Variants in ERG observed in about 807,000 individuals in gnomAD.
ERG encodes the protein transcriptional regulator ERG.
A neutral mutation model predicts 55.3 loss-of-function variants in ERG; 9 were observed. That is an observed-to-expected ratio of 0.16 (90% CI 0.10 to 0.28). The LOEUF is 0.28. Ranked by LOEUF, ERG falls within the 10% of genes least tolerant of loss-of-function variation. The probability of loss-of-function intolerance (pLI) is 1.00; values close to 1 mark genes in which losing one functional copy is unlikely to be tolerated. For synonymous variants in ERG, 223 were observed against 237.3 expected, an observed-to-expected ratio of 0.94 and a Z score of 0.55; for missense variants, 434 against 631.6, an observed-to-expected ratio of 0.69 and a Z score of 3.35.
At chr21:38,485,533 C>T (rs972109367) in intron 1 of ERG, among the ~76,000 whole-genome samples, 9 of 146,726 alleles carry the variant, frequency 6.1e-5, no homozygotes, top group Non-Finnish European at 1.2e-4. Context: ...AATCTCAGCT[C>T]ACTGCAACCT....
At chr21:38,556,266 C>G (rs2146826759) in intron 2 of ERG, among the ~76,000 whole-genome samples, 1 of 152,102 alleles carries the variant, frequency 6.6e-6, no homozygotes, top group East Asian at 1.9e-4. Context: ...GAAAAATAGA[C>G]TGGAAATATA....
intron 9 of ERG, among the ~76,000 whole-genome samples, chr21:38,384,834 GAA>G (rs768892765): frequency 1.6e-5 from 2 of 126,446 alleles, no homozygotes; most frequent in African/African-American, 5.6e-5. Flanking sequence ...GGAAGTTTAG[GAA>G]AAAAAAAAAA....
At chr21:38,572,381 A>C (rs991838573) in intron 2 of ERG, among the ~76,000 whole-genome samples, 2 of 151,170 alleles carry the variant, frequency 1.3e-5, no homozygotes, top group Non-Finnish European at 3.0e-5. Context: ...AAAAAAAAAA[A>C]AAAAAGAACT....
At chr21:38,477,268 T>C (rs529287717) in intron 1 of ERG, among the ~76,000 whole-genome samples, 2 of 152,296 alleles carry the variant, frequency 1.3e-5, no homozygotes, top group South Asian at 2.1e-4. Context: ...CCTCCCAAAA[T>C]GTTGGGATGA....
the ERG span, among the ~76,000 whole-genome samples, chr21:38,374,879 G>C: frequency 6.6e-6 from 1 of 152,120 alleles, no homozygotes; most frequent in Non-Finnish European, 1.5e-5. Flanking sequence ...TCCATCACTA[G>C]TATGTTTTGC....
At chr21:38,520,423 G>A (rs908680970) in intron 2 of ERG, among the ~76,000 whole-genome samples, 11 of 152,178 alleles carry the variant, frequency 7.2e-5, no homozygotes, top group African/African-American at 2.7e-4. Flanking sequence ...GGCATCCGAG[G>A]AACAGACACA....
chr21:38,408,961 C>T (rs976038357), intron 3 of ERG, among the ~76,000 whole-genome samples: 1 of 152,150 alleles, frequency 6.6e-6, no homozygotes, highest in Non-Finnish European at 1.5e-5. Context: ...TATAACTGGA[C>T]CTCATTTTTC....
intron 3 of ERG, among the ~76,000 whole-genome samples, chr21:38,410,797 A>G (rs1989013472): frequency 6.6e-6 from 1 of 152,264 alleles, no homozygotes; most frequent in Non-Finnish European, 1.5e-5. Flanking sequence ...AGAGAAATGA[A>G]TAAAGTAAGA....
intron 2 of ERG, among the ~76,000 whole-genome samples, chr21:38,565,862 C>T (rs780694985): frequency 1.3e-5 from 2 of 152,176 alleles, no homozygotes; most frequent in Admixed American, 1.3e-4. Context: ...ATCATCTGTT[C>T]AGTTCATGCT....
intron 1 of ERG, among the ~76,000 whole-genome samples, chr21:38,615,611 T>C (rs1279168913): frequency 1.3e-4 from 20 of 150,340 alleles, no homozygotes; most frequent in Admixed American, 1.3e-3. Flanking sequence ...TATAAAGATT[T>C]TGAGATGAAG....
chr21:38,476,772 A>G (rs2059191923), intron 1 of ERG, among the ~76,000 whole-genome samples: 1 of 152,088 alleles, frequency 6.6e-6, no homozygotes, highest in African/African-American at 2.4e-5. Context: ...GCAGATGTGC[A>G]CCAACAACAA....
At chr21:38,491,684 T>A (rs1346871113) in intron 1 of ERG, among the ~76,000 whole-genome samples, 3 of 152,172 alleles carry the variant, frequency 2.0e-5, no homozygotes, top group Non-Finnish European at 4.4e-5. Context: ...AGAGTTTAAT[T>A]CCATGAACAC....
In ERG at chr21:38,643,295, G is replaced by A. The variant is rs565050642; in HGVS notation, c.-150+18363C>T. On this transcript the variant is annotated intron_variant, in intron 1 of 10. Coordinates refer to the ERG transcript ENST00000398910. ...TTACTACCTATAATGGAAGATTTAC[G>A]GGATGGTTTAATTGGTAGTCTCAGG... Among the ~76,000 whole-genome samples the A allele has an allele frequency of 9.2e-5, 14 of 152,234 alleles. No individual in the cohort carries two copies. The South Asian group carries it at 1.2e-3, about 14-fold the overall frequency.
chr21:38,597,504 C>T (rs971220356), intron 1 of ERG, among the ~76,000 whole-genome samples: 1 of 152,058 alleles, frequency 6.6e-6, no homozygotes, highest in African/African-American at 2.4e-5. Context: ...CACACACGCA[C>T]ACAGAGAAAG....
At chr21:38,636,007 G>T (rs975529676) in intron 1 of ERG, among the ~76,000 whole-genome samples, 1 of 152,156 alleles carries the variant, frequency 6.6e-6, no homozygotes, top group African/African-American at 2.4e-5. Flanking sequence ...TAATCTCCAT[G>T]TGTCATGGGA....
At chr21:38,420,288 CTG>C (rs199860613) in intron 3 of ERG, among the ~76,000 whole-genome samples, 3 of 126,434 alleles carry the variant, frequency 2.4e-5, no homozygotes, top group Admixed American at 7.7e-5. Flanking sequence ...TGCAATGAAG[CTG>C]TGTGTGTGTG....
intron 1 of ERG, among the ~76,000 whole-genome samples, chr21:38,465,482 T>C (rs1267319874): frequency 6.6e-6 from 1 of 152,208 alleles, no homozygotes; most frequent in Non-Finnish European, 1.5e-5. Context: ...GTTGGATACA[T>C]GTAAATATAC....
At chr21:38,454,567 C>T (rs560133730) in intron 1 of ERG, among the ~76,000 whole-genome samples, 4 of 152,276 alleles carry the variant, frequency 2.6e-5, no homozygotes, top group African/African-American at 9.6e-5. Flanking sequence ...CAACCAGCTG[C>T]CGAGCAGCTC....
chr21:38,513,370 A>G (rs2059529067), intron 2 of ERG, among the ~76,000 whole-genome samples: 1 of 152,172 alleles, frequency 6.6e-6, no homozygotes, highest in African/African-American at 2.4e-5. Flanking sequence ...TTGTAGGGGA[A>G]ATTGGGTAAA....
Sources: gnomAD v4.1 joint callset for allele counts (sites outside exome capture counted in the v4.1 genomes callset) on GRCh38, gnomAD v4.1.1 for gene constraint, MANE v1.5 for transcripts, NCBI Gene and HGNC (gene_info 2026-07-23, HGNC 2026-07-21) for gene names.